Variants in ZNF469 observed in about 807,000 individuals in gnomAD.
The protein encoded by ZNF469 is zinc finger protein 469.
ZNF469 carries 1 observed loss-of-function variant against 1.0 expected under a neutral mutation model. That is an observed-to-expected ratio of 1.00 (90% CI 0.35 to 4.73). ZNF469 has a LOEUF of 4.73. ZNF469 is among the 30% of genes most tolerant of loss of function. The pLI is 0.16. For synonymous variants in ZNF469, 2,703 were observed against 2,363.4 expected, an observed-to-expected ratio of 1.14 and a Z score of -4.17; for missense variants, 6,100 against 5,356.3, an observed-to-expected ratio of 1.14 and a Z score of -4.33.
rs1437061683 is a variant in ZNF469, at chr16:88,434,038, G to A, written c.6568G>A (p.Glu2190Lys). 3.9e-6 allele frequency: 6 copies of A among 1,550,306 alleles called. No homozygotes were observed. Among genetic ancestry groups the A allele is most frequent in the Non-Finnish European group, 5.2e-6 (6 of 1,146,892 alleles). Residue 2190 changes from glutamate (E) to lysine (K), a missense_variant, in exon 3 of 3, where the codon GAG becomes AAG. Coordinates refer to ENST00000565624, the MANE Select transcript of ZNF469 (RefSeq NM_001367624.2). ...CCAAGCCACGACAGATACTGGGGCT[G>A]AGGATTCCCCGGTGGCTCCCCCGTC... ...GVQATTDTGA[E>K]DSPVAPPSLT... is the part of the protein sequence containing the mutation.
the ZNF469 span, among the ~76,000 whole-genome samples, chr16:88,113,853 G>A: frequency 6.6e-5 from 10 of 152,306 alleles, no homozygotes; most frequent in African/African-American, 9.6e-5. Context: ...AAAGCTCACC[G>A]TGTGGTCTAG....
rs534284056 is a variant in ZNF469 at position 88,387,047 on chromosome 16, G to A, written c.-192+3793G>A. ...CAGTTGGGCAGGTTGTTCACTGCACGTCGGCACCCAGTCTATACTCTGCTT... is the reference window on the plus strand; with the variant it reads ...CAGTTGGGCAGGTTGTTCACTGCACATCGGCACCCAGTCTATACTCTGCTT... On this transcript the variant is annotated intron_variant, in intron 1 of 2. Transcript: ENST00000565624. Among the ~76,000 whole-genome samples, 10 of 152,284 alleles carry A rather than the reference G, an allele frequency of 6.6e-5. No individual in the cohort carries two copies. The South Asian group carries it at 1.0e-3, about 16-fold the overall frequency.
Position 88,429,780 on chromosome 16 carries a change from C to G in ZNF469, c.2310C>G (p.Pro770=), listed in dbSNP as rs1191395359. ...AKDGHQRSPG[P]PGLPSPPAAP... is the part of the protein sequence containing the mutation. ...ATGGCCACCAGCGGTCTCCAGGCCC[C>G]CCTGGGCTCCCCTCGCCCCCCGCTG... The change falls in exon 3 of 3, where the codon CCC becomes CCG. Residue 770 remains proline (P), a synonymous_variant. Transcript: ENST00000565624. 1 of 1,544,470 alleles carries G rather than the reference C, an allele frequency of 6.5e-7. No homozygotes were observed. The highest frequency in any genetic ancestry group is 2.5e-5 in the East Asian group (1 of 40,798).
chr16:88,383,047 G>A lies in ZNF469; in HGVS notation c.-399G>A, dbSNP rs1054175960. On this transcript the variant is annotated 5_prime_UTR_variant, in exon 1 of 3. Transcript: ENST00000565624. ...TGCAGGGCTGGCCCGCGGCGACCTG[G>A]GCAGGGTGGCGGCTGCTCCCTCTCC... 5.3e-5 allele frequency among the ~76,000 whole-genome samples: 8 copies of A among 151,654 alleles called. No homozygotes were observed. The highest frequency in any genetic ancestry group is 1.9e-4 in the African/African-American group (8 of 41,390).
the ZNF469 span, among the ~76,000 whole-genome samples, chr16:88,118,349 T>C: frequency 0.01 from 1,598 of 152,342 alleles, 28 homozygotes; most frequent in African/African-American, 0.035. Flanking sequence ...TTTTGAGTTT[T>C]TTCACGGGCT....
At chr16:88,171,450 G>A in the ZNF469 span, among the ~76,000 whole-genome samples, 40,227 of 152,164 alleles carry the variant, frequency 0.26, 5,732 homozygotes, top group East Asian at 0.54. Flanking sequence ...CTGCCCTGCT[G>A]TATCTCAGAA....
the ZNF469 span, among the ~76,000 whole-genome samples, chr16:88,235,182 G>A: frequency 6.6e-6 from 1 of 152,194 alleles, no homozygotes. Flanking sequence ...CTCCAGGGAT[G>A]GAGAGGGTCC....
At chr16:88,345,514 G>A in the ZNF469 span, among the ~76,000 whole-genome samples, 8 of 152,144 alleles carry the variant, frequency 5.3e-5, no homozygotes, top group African/African-American at 1.9e-4. Flanking sequence ...GCCCCTCTGT[G>A]GTCACTCACC....
chr16:88,289,051 A>G, the ZNF469 span, among the ~76,000 whole-genome samples: 2 of 152,036 alleles, frequency 1.3e-5, no homozygotes, highest in Admixed American at 1.3e-4. Flanking sequence ...AGTGATGGTG[A>G]TGATGGTGGT....
chr16:88,382,493 A>G (rs2092527787), upstream of ZNF469, among the ~76,000 whole-genome samples: 1 of 152,126 alleles, frequency 6.6e-6, no homozygotes. Context: ...CCCACCTATG[A>G]GAAAGCGTGC....
chr16:88,436,287 C>T lies in ZNF469; in HGVS notation c.8817C>T (p.Leu2939=), dbSNP rs1251193378. ...CCGCAGGTCTGCCCGAGTCCTTCCT[C>T]CTGGATGGGTTCCTCAATAGCAGGG... ...EDPAGLPESF[L]LDGFLNSRVP... is the part of the protein sequence containing the mutation. The change falls in exon 3 of 3, where the codon CTC becomes CTT. Residue 2939 remains leucine (L), a synonymous_variant. Coordinates refer to ENST00000565624, the MANE Select transcript of ZNF469 (RefSeq NM_001367624.2). The T allele has an allele frequency of 1.3e-6, 2 of 1,549,996 alleles. No homozygotes were observed. The highest frequency in any genetic ancestry group is 1.7e-6 in the Non-Finnish European group (2 of 1,146,814).
the ZNF469 span, among the ~76,000 whole-genome samples, chr16:88,110,119 C>T: frequency 7.2e-5 from 11 of 152,346 alleles, no homozygotes; most frequent in Admixed American, 5.2e-4. Flanking sequence ...AAGACAAAGA[C>T]ATGAAATCAT....
the ZNF469 span, among the ~76,000 whole-genome samples, chr16:88,335,630 G>A: frequency 1.3e-5 from 2 of 152,256 alleles, no homozygotes; most frequent in South Asian, 4.1e-4. Flanking sequence ...CCAGGCAGAT[G>A]CCTGGGAGGG....
the ZNF469 span, among the ~76,000 whole-genome samples, chr16:88,255,741 G>A: frequency 6.6e-6 from 1 of 152,228 alleles, no homozygotes; most frequent in Non-Finnish European, 1.5e-5. Context: ...TTTCAGTCAG[G>A]AGTGCTCTGT....
rs988999388 is a variant in ZNF469 at position 88,435,364 on chromosome 16, A to C, written c.7894A>C (p.Asn2632His). The change falls in exon 3 of 3, where the codon AAT (asparagine) becomes CAT (histidine). Residue 2632 changes from asparagine (N) to histidine (H), a missense_variant. Asn to His is a moderately conservative substitution (Grantham distance 68). Transcript: ENST00000565624. ...TCCTAGCCACTCAGAGGGGAAGTCA[A>C]ATAAGAAAAGGGGAAAGCTGAGAGG... Reference protein sequence around the residue: ...DSPSHSEGKSNKKRGKLRGRR... With the variant: ...DSPSHSEGKSHKKRGKLRGRR... 16 of 1,550,280 alleles carry C rather than the reference A, an allele frequency of 1.0e-5. No homozygotes were observed. The highest frequency in any genetic ancestry group is 1.4e-5 in the African/African-American group (1 of 73,062).
chr16:88,189,592 G>T, the ZNF469 span, among the ~76,000 whole-genome samples: 1 of 152,196 alleles, frequency 6.6e-6, no homozygotes, highest in Non-Finnish European at 1.5e-5. The surrounding 1 kb of genome is among the most constrained non-coding windows in gnomAD (Gnocchi z 4.3). Context: ...ACGCTCCTAT[G>T]GGGGAATTGT....
Position 88,431,583 on chromosome 16 carries a change from G to A in ZNF469, c.4113G>A (p.Lys1371=). The part of the protein sequence containing the change: ...RDPLGVPVAK[K]GPQPYSSPHS... Reference sequence around the variant, plus strand: ...CCTTGGGGGTTCCAGTTGCCAAAAAGGGGCCTCAGCCCTACAGCAGCCCCC... The same window carrying A: ...CCTTGGGGGTTCCAGTTGCCAAAAAAGGGCCTCAGCCCTACAGCAGCCCCC... The change falls in exon 3 of 3, where the codon AAG becomes AAA. Residue 1371 remains lysine (K), a synonymous_variant. Transcript: ENST00000565624. The A allele has an allele frequency of 4.5e-6, 7 of 1,550,470 alleles. No homozygotes were observed. Among genetic ancestry groups the A allele is most frequent in the Non-Finnish European group, 6.1e-6 (7 of 1,146,998 alleles).
rs972080202 is a variant in ZNF469, at chr16:88,424,702, C to T, written c.-191-105C>T. Among the ~76,000 whole-genome samples, 1 of 152,136 alleles carries T rather than the reference C, an allele frequency of 6.6e-6. No individual in the cohort carries two copies. The highest frequency in any genetic ancestry group is 1.5e-5 in the Non-Finnish European group (1 of 68,010). ...CTTCCCGGTGCCCTGAGGCCACAGC[C>T]GGCTCTGCCCAGGAGCCGCTCCCTC... On this transcript the variant is annotated intron_variant, in intron 1 of 2. Coordinates refer to ENST00000565624, the MANE Select transcript of ZNF469 (RefSeq NM_001367624.2). This position sits in a 1 kb window ranked among gnomAD's most constrained non-coding sequence, Gnocchi z 4.3.
the ZNF469 span, among the ~76,000 whole-genome samples, chr16:88,305,101 G>C: frequency 2.6e-5 from 4 of 152,150 alleles, no homozygotes; most frequent in Non-Finnish European, 2.9e-5. Context: ...GCATCAGCAG[G>C]AGTGATGCCC....
Sources: gnomAD v4.1 joint callset for allele counts (sites outside exome capture counted in the v4.1 genomes callset) on GRCh38, gnomAD v4.1.1 for gene constraint, Gnocchi (gnomAD v3.1) non-coding constraint, MANE v1.5 for transcripts, NCBI Gene and HGNC (gene_info 2026-07-23, HGNC 2026-07-21) for gene names.